DPYSL3: variants seen among roughly 807,000 people sequenced by gnomAD.
The protein encoded by DPYSL3 is dihydropyrimidinase like 3.
A neutral mutation model predicts 66.1 loss-of-function variants in DPYSL3; 16 were observed. The observed-to-expected ratio is 0.24, with a 90% CI of 0.16 to 0.37. DPYSL3 has a LOEUF of 0.37. DPYSL3 is among the 10% of genes least tolerant of loss of function. The pLI is 1.00. For missense variants in DPYSL3, 738 were observed against 916.2 expected (o/e 0.81, Z 2.51); for synonymous variants, 338 against 345.1 (o/e 0.98, Z 0.23).
intron 1 of DPYSL3, among the ~76,000 whole-genome samples, chr5:147,465,395 A>T (rs1029986398): frequency 1.3e-5 from 2 of 151,810 alleles, no homozygotes; most frequent in Non-Finnish European, 2.9e-5. Flanking sequence ...CACCTCCCGG[A>T]TTCAAGCGAT....
chr5:147,440,506 A>C (rs1646906004), intron 1 of DPYSL3, among the ~76,000 whole-genome samples: 1 of 152,194 alleles, frequency 6.6e-6, no homozygotes, highest in Admixed American at 6.5e-5. Flanking sequence ...ACCTAGTGAC[A>C]GTTGTTGATT....
intron 7 of DPYSL3, among the ~76,000 whole-genome samples, chr5:147,407,162 T>G (rs79561316): frequency 0.02 from 2,970 of 152,200 alleles, 96 homozygotes; most frequent in African/African-American, 0.068. Flanking sequence ...TGCTGACCAC[T>G]TCAGCTCCCC....
intron 1 of DPYSL3, among the ~76,000 whole-genome samples, chr5:147,464,041 T>C (rs1465443637): frequency 1.3e-5 from 2 of 151,424 alleles, no homozygotes; most frequent in Non-Finnish European, 2.9e-5. Context: ...ACAAATGAGA[T>C]ACAAGAAAGG....
Position 147,509,335 on chromosome 5 carries a change from G to T in DPYSL3, c.381+143C>A. ...GGTCTGGGCTAGGAAGTCGCGCTAC[G>T]CTCAGTGGAGGATGACCCTTTCCTC... is the stretch of plus-strand genomic sequence containing the variant. On this transcript the variant is annotated intron_variant, in intron 1 of 13. Transcript: ENST00000343218. The surrounding 1 kb of genome is among the most constrained non-coding windows in gnomAD (Gnocchi z 5.3). 8.6e-7 allele frequency: 1 copy of T among 1,161,152 alleles called. No individual in the cohort carries two copies. The highest frequency in any genetic ancestry group is 1.2e-6 in the Non-Finnish European group (1 of 855,106). The allele number at this position is 1,161,152 out of a possible 1,614,324, so 71.9% of individuals were successfully genotyped here. A position where few individuals can be genotyped will look rare whatever the true frequency, so the allele number is the denominator to read the frequency against.
chr5:147,413,511 G>A, intron 5 of DPYSL3, 85 bp downstream of exon 5: 1 of 1,068,666 alleles, frequency 9.4e-7, no homozygotes, highest in Non-Finnish European at 1.4e-6. Flanking sequence ...TGACCACAGT[G>A]ATTCATGTTA....
intron 3 of DPYSL3, 66 bp downstream of exon 3, chr5:147,418,381 G>A (rs1321110891): frequency 1.4e-6 from 2 of 1,455,488 alleles, no homozygotes; most frequent in African/African-American, 1.4e-5. Flanking sequence ...AGAGAGTTCT[G>A]GAGATAACAC....
chr5:147,505,381 C>T (rs1312124492), intron 1 of DPYSL3, among the ~76,000 whole-genome samples: 2 of 152,042 alleles, frequency 1.3e-5, no homozygotes, highest in African/African-American at 4.8e-5. Flanking sequence ...ATTACAGGTG[C>T]CCACCACCAC....
At chr5:147,451,281 C>T (rs1752723302) in intron 1 of DPYSL3, among the ~76,000 whole-genome samples, 2 of 152,188 alleles carry the variant, frequency 1.3e-5, no homozygotes, top group African/African-American at 4.8e-5. Context: ...AAATTCACAA[C>T]CACTGTCTAC....
chr5:147,400,156 G>C (rs1051057129), intron 10 of DPYSL3, among the ~76,000 whole-genome samples: 1 of 152,066 alleles, frequency 6.6e-6, no homozygotes, highest in African/African-American at 2.4e-5. Context: ...AATTTGAATG[G>C]CTATTTCTTT....
At chr5:147,493,262 G>A (rs954018504) in intron 1 of DPYSL3, among the ~76,000 whole-genome samples, 5 of 152,280 alleles carry the variant, frequency 3.3e-5, no homozygotes, top group African/African-American at 1.2e-4. Flanking sequence ...AAATTTTAAC[G>A]CTTTTCTATC....
rs571246937 is a variant in DPYSL3, at chr5:147,401,707, C to T, written c.1154-11G>A. On this transcript the variant is annotated splice_polypyrimidine_tract_variant and intron_variant, in intron 8 of 13. Coordinates refer to ENST00000343218, the MANE Select transcript of DPYSL3 (RefSeq NM_001197294.2). ...CAAAGACTACATTTCCTAGAAGGGG[C>T]AGGAAACAGACAAGGGGTTAGCATA... The T allele has an allele frequency of 2.6e-5, 42 of 1,613,864 alleles. No individual in the cohort carries two copies. The East Asian group carries it at 2.9e-4, about 11-fold the overall frequency.
At chr5:147,431,157 T>C (rs1197716265) in intron 1 of DPYSL3, among the ~76,000 whole-genome samples, 1 of 152,216 alleles carries the variant, frequency 6.6e-6, no homozygotes, top group Non-Finnish European at 1.5e-5. Context: ...ACTGCATGGA[T>C]GAAATCTTGT....
At position 147,420,507 on chromosome 5, in the gene DPYSL3, T is replaced by A. The variant is rs116716668; in HGVS notation, c.471-1876A>T. 2.4e-3 allele frequency among the ~76,000 whole-genome samples: 367 copies of A among 152,298 alleles called. 2 individuals are homozygous for A. Among genetic ancestry groups the A allele is most frequent in the African/African-American group, 8.6e-3 (356 of 41,572 alleles). On this transcript the variant is annotated intron_variant, in intron 2 of 13. Coordinates refer to ENST00000343218, the MANE Select transcript of DPYSL3 (RefSeq NM_001197294.2). Reference sequence around the variant, plus strand: ...TAAAAGGTCCCGGGGGAAGACAGCATGATGATTTGGGCCTTGATAATGAGT... The same window carrying A: ...TAAAAGGTCCCGGGGGAAGACAGCAAGATGATTTGGGCCTTGATAATGAGT...
chr5:147,461,752 C>T lies in DPYSL3; in HGVS notation c.382-36789G>A, dbSNP rs576437176. On this transcript the variant is annotated intron_variant, in intron 1 of 13. Transcript: ENST00000343218. ...AGGTACTGAGTGGACTCTTGGTCTA[C>T]GTTTGGCTTACATTTGGCCTTTGGG... Among the ~76,000 whole-genome samples, 8 of 152,256 alleles carry T rather than the reference C, an allele frequency of 5.3e-5. No individual in the cohort carries two copies. The South Asian group carries it at 6.2e-4, about 12-fold the overall frequency.
At chr5:147,499,764 A>G (rs1165717924) in intron 1 of DPYSL3, among the ~76,000 whole-genome samples, 1 of 152,246 alleles carries the variant, frequency 6.6e-6, no homozygotes, top group Non-Finnish European at 1.5e-5. Flanking sequence ...AAGGAAAATA[A>G]CAAAATCAGA....
At chr5:147,498,289 T>C (rs1753551807) in intron 1 of DPYSL3, among the ~76,000 whole-genome samples, 1 of 152,204 alleles carries the variant, frequency 6.6e-6, no homozygotes, top group Admixed American at 6.5e-5. Flanking sequence ...TATGGCTGCA[T>C]AGTATTCCAT....
intron 1 of DPYSL3, chr5:147,473,421 T>C (rs2126425912): frequency 1.3e-5 from 2 of 152,274 alleles, no homozygotes; most frequent in South Asian, 4.1e-4. Flanking sequence ...TAAGCTGACA[T>C]TAAAGTCCCA....
At chr5:147,468,049 C>A (rs1753035807) in intron 1 of DPYSL3, among the ~76,000 whole-genome samples, 1 of 152,180 alleles carries the variant, frequency 6.6e-6, no homozygotes, top group Non-Finnish European at 1.5e-5. Flanking sequence ...GAATTTTAGG[C>A]TCCAAAATAC....
chr5:147,419,051 A>G (rs1752031775), intron 2 of DPYSL3, among the ~76,000 whole-genome samples: 1 of 152,210 alleles, frequency 6.6e-6, no homozygotes, highest in Non-Finnish European at 1.5e-5. Context: ...GAAGAAGATA[A>G]TAGTAAATCA....
Sources: gnomAD v4.1 joint callset for allele counts (sites outside exome capture counted in the v4.1 genomes callset) on GRCh38, gnomAD v4.1.1 for gene constraint, Gnocchi (gnomAD v3.1) non-coding constraint, MANE v1.5 for transcripts, NCBI Gene and HGNC (gene_info 2026-07-23, HGNC 2026-07-21) for gene names.